Variants in ZNF746 observed in about 807,000 individuals in gnomAD.
ZNF746 encodes zinc finger protein 746, also known as parkin-interacting substrate.
ZNF746 carries 13 observed loss-of-function variants against 41.0 expected under a neutral mutation model. The observed-to-expected ratio is 0.32, with a 90% CI of 0.21 to 0.50. ZNF746 has a LOEUF of 0.50. ZNF746 is among the 20% of genes least tolerant of loss of function. ZNF746 has a pLI of 0.98. For missense variants in ZNF746, 811 were observed against 922.9 expected (o/e 0.88, Z 1.57); for synonymous variants, 424 against 396.2 (o/e 1.07, Z -0.83).
intron 4 of ZNF746, chr7:149,491,584 C>T: frequency 2.4e-6 from 1 of 419,036 alleles, no homozygotes; most frequent in South Asian, 3.0e-5. Flanking sequence ...CTGTCAATGT[C>T]CCGATGACGA....
At position 149,494,327 on chromosome 7, in the gene ZNF746, C is replaced by T. The variant is rs763707939; in HGVS notation, c.201G>A (p.Leu67=). The change falls in exon 2 of 7, where the codon CTG becomes CTA. Residue 67 remains leucine (L), a synonymous_variant. Coordinates refer to ENST00000458143, the MANE Select transcript of ZNF746 (RefSeq NM_001394198.1). This position sits in a 1 kb window ranked among gnomAD's most constrained non-coding sequence, Gnocchi z 5.6. ...GNQLEGKWAV[L]GTLLQEYGLL... ...GCCCGTACTCCTGCAGCAGGGTCCC[C>T]AGCACGGCCCACTTGCCCTCCAGCT... is the stretch of plus-strand genomic sequence containing the variant. The T allele has an allele frequency of 4.3e-6, 7 of 1,614,032 alleles. No homozygotes were observed. Among genetic ancestry groups the T allele is most frequent in the Non-Finnish European group, 5.9e-6 (7 of 1,179,934 alleles).
Position 149,494,348 on chromosome 7 carries a change from C to T in ZNF746, c.180G>A (p.Leu60=). The change falls in exon 2 of 7, where the codon CTG becomes CTA. Residue 60 remains leucine, a synonymous_variant. Transcript: ENST00000458143. The surrounding 1 kb of genome is among the most constrained non-coding windows in gnomAD (Gnocchi z 5.6). The part of the protein sequence containing the change: ...EKTAVEFGNQ[L]EGKWAVLGTL... The stretch of plus-strand genomic sequence containing the variant: ...TCCCCAGCACGGCCCACTTGCCCTC[C>T]AGCTGGTTCCCGAACTCCACGGCTG... 1 of 1,614,066 alleles carries T rather than the reference C, an allele frequency of 6.2e-7. No individual in the cohort carries two copies. Among genetic ancestry groups the T allele is most frequent in the Non-Finnish European group, 8.5e-7 (1 of 1,179,926 alleles).
Position 149,477,035 on chromosome 7 carries a change from T to A in ZNF746, c.770A>T (p.Asn257Ile). ...STDATSGVHS[N>I]FSTTIPPTSW... is the part of the protein sequence containing the mutation. The stretch of plus-strand genomic sequence containing the variant: ...GGTGGGCGGGATGGTGGTGGAAAAG[T>A]TGGAATGGACACCTGCGGTAAGGGG... The change falls in exon 6 of 7, where the codon AAC becomes ATC. Residue 257 changes from asparagine (N) to isoleucine (I), a missense_variant. This residue lies in a region of ZNF746 where 495 missense variants were observed against 481.6 expected (regional missense o/e 1.03). Transcript: ENST00000458143. 1.2e-6 allele frequency: 2 copies of A among 1,612,604 alleles called. No individual in the cohort carries two copies. Among genetic ancestry groups the A allele is most frequent in the Non-Finnish European group, 1.7e-6 (2 of 1,179,610 alleles).
rs533825765 is a variant in ZNF746 at position 149,473,180 on chromosome 7, G to A, written c.*1204C>T. 1 of 152,218 alleles carries A rather than the reference G, an allele frequency of 6.6e-6. No homozygotes were observed. Among genetic ancestry groups the A allele is most frequent in the Non-Finnish European group, 1.5e-5 (1 of 68,026 alleles). 9.4% of individuals were successfully genotyped at this position (152,218 alleles called of 1,614,324 possible). On this transcript the variant is annotated 3_prime_UTR_variant, in exon 7 of 7. Transcript: ENST00000458143. ...CCTCTGAGAGTGCACACATTAAGGA[G>A]GCTGGGGCACAGGGGAGGCGGCTGC...
chr7:149,478,821 G>T (rs1309817073), intron 4 of ZNF746, among the ~76,000 whole-genome samples: 1 of 152,192 alleles, frequency 6.6e-6, no homozygotes, highest in Non-Finnish European at 1.5e-5. Context: ...TTTGAAAAAG[G>T]CAGATTTGAA....
chr7:149,491,983 T>C (rs188374234), intron 4 of ZNF746: 3 of 703,026 alleles, frequency 4.3e-6, no homozygotes, highest in Admixed American at 4.0e-5. Context: ...TAAATAAATG[T>C]GTGCTTCTAA....
At position 149,474,920 on chromosome 7, in the gene ZNF746, T is replaced by C. The variant is rs1800237834; in HGVS notation, c.1447A>G (p.Ser483Gly). The C allele has an allele frequency of 6.5e-7, 1 of 1,540,762 alleles. No individual in the cohort carries two copies. Among genetic ancestry groups the C allele is most frequent in the African/African-American group, 1.4e-5 (1 of 72,810 alleles). Residue 483 changes from serine to glycine, a missense_variant, in exon 7 of 7, where the codon AGC (serine) becomes GGC (glycine). Ser to Gly is a moderately conservative substitution (Grantham distance 56, BLOSUM62 0). Around this residue, in one of 4 missense-constraint regions of ZNF746, gnomAD observed 495 missense variants for 481.6 expected, o/e 1.03. Coordinates refer to ENST00000458143, the MANE Select transcript of ZNF746 (RefSeq NM_001394198.1). The surrounding 1 kb of genome is among the most constrained non-coding windows in gnomAD (Gnocchi z 6.3). ...TCGKSFQLQV[S>G]LSAHQRSCGA... ...CAGCTGCGCTGGTGCGCGCTCAGGC[T>C]GACTTGCAGCTGGAAGCTCTTCCCA...
intron 4 of ZNF746, among the ~76,000 whole-genome samples, chr7:149,479,073 G>T (rs1027192593): frequency 1.3e-5 from 2 of 152,188 alleles, no homozygotes; most frequent in Admixed American, 6.5e-5. Context: ...AGAAATCCCA[G>T]AAGAAGAGAA....
rs921327680 is a variant in ZNF746 at position 149,497,121 on chromosome 7, G to A, written c.24+392C>T. 2 of 985,238 alleles carry A rather than the reference G, an allele frequency of 2.0e-6. No homozygotes were observed. Among genetic ancestry groups the A allele is most frequent in the African/African-American group, 3.5e-5 (2 of 57,226 alleles). The allele number at this position is 985,238 out of a possible 1,614,324, so 61.0% of individuals were successfully genotyped here. ...GGATTCGAAGCCGGACACCTCCCAG[G>A]TGCCACCAGGCCGCTGCGGGGGAGA... On this transcript the variant is annotated intron_variant, in intron 1 of 6. Transcript: ENST00000458143. The surrounding 1 kb of genome is among the most constrained non-coding windows in gnomAD (Gnocchi z 4.2).
In ZNF746 at chr7:149,497,515, G is replaced by A. The variant is rs914580786; in HGVS notation, c.22C>T (p.Pro8Ser). The change falls in exon 1 of 7, where the codon CCG (proline) becomes TCG (serine). Residue 8 changes from proline to serine, a missense_variant and splice_region_variant. Around this residue, in one of 4 missense-constraint regions of ZNF746, gnomAD observed 147 missense variants for 233.4 expected, o/e 0.63. Coordinates refer to ENST00000458143, the MANE Select transcript of ZNF746 (RefSeq NM_001394198.1). This position sits in a 1 kb window ranked among gnomAD's most constrained non-coding sequence, Gnocchi z 4.2. ...CTGCGCGCGCGGGTCGCCCTTACCGGAGCCGCGACCGCCTCGGCCATGGCC... is the reference window on the plus strand; with the variant it reads ...CTGCGCGCGCGGGTCGCCCTTACCGAAGCCGCGACCGCCTCGGCCATGGCC... MAEAVAAPISPWTMAATI... is the reference protein window; with the variant it reads MAEAVAASISPWTMAATI... 11 of 1,104,148 alleles carry A rather than the reference G, an allele frequency of 1.0e-5. No individual in the cohort carries two copies. The Admixed American group carries it at 5.4e-4, about 55-fold the overall frequency. 68.4% of individuals were successfully genotyped at this position (1,104,148 alleles called of 1,614,324 possible).
At chr7:149,483,540 G>A (rs182628928) in intron 4 of ZNF746, among the ~76,000 whole-genome samples, 1 of 151,966 alleles carries the variant, frequency 6.6e-6, no homozygotes, top group Non-Finnish European at 1.5e-5. Flanking sequence ...CCGGCAAGTG[G>A]AGATTGCAGT....
chr7:149,489,913 T>TG (rs1800747011), intron 4 of ZNF746: 1 of 146,664 alleles, frequency 6.8e-6, no homozygotes. Flanking sequence ...GGTAACAGAG[T>TG]GGGGGGGAAG....
chr7:149,477,145 C>T, intron 5 of ZNF746, 98 bp from the exon 6 acceptor site: 2 of 1,427,938 alleles, frequency 1.4e-6, no homozygotes, highest in Non-Finnish European at 9.3e-7. Context: ...GAGGTCCCCC[C>T]ACTGGGGGCT....
rs776707297 is a variant in ZNF746, at chr7:149,474,958, G to A, written c.1409C>T (p.Thr470Ile). 3 of 1,547,400 alleles carry A rather than the reference G, an allele frequency of 1.9e-6. No individual in the cohort carries two copies. In the South Asian group the frequency reaches 3.6e-5, roughly 18 times the overall value. The change falls in exon 7 of 7, where the codon ACC becomes ATC. Residue 470 changes from threonine (T) to isoleucine (I), a missense_variant. Thr to Ile is a moderately conservative substitution (Grantham distance 89). Coordinates refer to ENST00000458143, the MANE Select transcript of ZNF746 (RefSeq NM_001394198.1). This position sits in a 1 kb window ranked among gnomAD's most constrained non-coding sequence, Gnocchi z 6.3. ...GAAGCTCTTCCCACACGTGGCGCAG[G>A]TGAAGGGCCGGCCCCCGGGGGGCGC... ...PAAPPGGRPF[T>I]CATCGKSFQL...
rs536492074 is a variant in ZNF746, at chr7:149,477,458, C to T, written c.757+106G>A. ...GGGAAAATTTCTAAAGTTGTCAGGC[C>T]GGAAGTGTTGAGGGCCCACAGCTCC... On this transcript the variant is annotated intron_variant, in intron 5 of 6. Transcript: ENST00000458143. The T allele has an allele frequency of 1.0e-4, 135 of 1,300,350 alleles. No homozygotes were observed. In the African/African-American group the frequency reaches 1.4e-3, roughly 14 times the overall value. The allele number at this position is 1,300,350 out of a possible 1,614,324, so 80.6% of individuals were successfully genotyped here.
At chr7:149,480,045 A>C (rs1206719477) in intron 4 of ZNF746, among the ~76,000 whole-genome samples, 4 of 152,368 alleles carry the variant, frequency 2.6e-5, no homozygotes, top group South Asian at 4.1e-4. Context: ...ATTGTGGCCC[A>C]AAAACTTCCA....
Position 149,474,501 on chromosome 7 carries a change from T to TGCGGGCGGCG in ZNF746, c.1856_1865dup (p.Pro623AlafsTer6). The stretch of plus-strand genomic sequence containing the variant: ...CGGGGCTCTTGAAGGGATCAGGAGG[T>TGCGGGCGGCG]GCGGGCGGCGTCGGGAGTGGCTGGC... On this transcript the variant is annotated frameshift_variant, in exon 7 of 7. Transcript: ENST00000458143. LOFTEE classifies it high-confidence loss of function. This position sits in a 1 kb window ranked among gnomAD's most constrained non-coding sequence, Gnocchi z 6.3. The TGCGGGCGGCG allele has an allele frequency of 6.2e-7, 1 of 1,609,404 alleles. No individual in the cohort carries two copies. Among genetic ancestry groups the TGCGGGCGGCG allele is most frequent in the Non-Finnish European group, 8.5e-7 (1 of 1,177,836 alleles).
intron 1 of ZNF746, chr7:149,496,949 T>C (rs1801018856): frequency 1.0e-6 from 1 of 985,174 alleles, no homozygotes; most frequent in South Asian, 4.7e-5. Context: ...TTCTTTTGTA[T>C]GACAGAGATT....
chr7:149,474,543 G>C lies in ZNF746; in HGVS notation c.1824C>G (p.Ala608=), dbSNP rs774882667. The part of the protein sequence containing the change: ...RKHQRNHAAG[A]KTPARGQPLP... Reference sequence around the variant, plus strand: ...GTGGCTGGCCTCGGGCCGGGGTCTTGGCGCCCGCTGCATGGTTGCGCTGGT... The same window carrying C: ...GTGGCTGGCCTCGGGCCGGGGTCTTCGCGCCCGCTGCATGGTTGCGCTGGT... The change falls in exon 7 of 7, where the codon GCC becomes GCG. Residue 608 remains alanine, a synonymous_variant. Coordinates refer to ENST00000458143, the MANE Select transcript of ZNF746 (RefSeq NM_001394198.1). This position sits in a 1 kb window ranked among gnomAD's most constrained non-coding sequence, Gnocchi z 6.3. 3 of 1,607,612 alleles carry C rather than the reference G, an allele frequency of 1.9e-6. No homozygotes were observed. The highest frequency in any genetic ancestry group is 1.3e-5 in the African/African-American group (1 of 74,854).
Sources: gnomAD v4.1 joint callset for allele counts (sites outside exome capture counted in the v4.1 genomes callset) on GRCh38, gnomAD v4.1.1 for gene constraint, gnomAD v4.1.1 regional missense constraint, Gnocchi (gnomAD v3.1) non-coding constraint, MANE v1.5 for transcripts, NCBI Gene and HGNC (gene_info 2026-07-23, HGNC 2026-07-21) for gene names.